PCDH15: variants seen among roughly 807,000 people sequenced by gnomAD.
PCDH15 encodes the protein protocadherin related 15, also known as protocadherin-15.
A neutral mutation model predicts 178.5 loss-of-function variants in PCDH15; 129 were observed. The observed-to-expected ratio is 0.72, with a 90% CI of 0.63 to 0.84. The LOEUF (loss-of-function observed/expected upper bound fraction) is 0.84, where lower values mean the gene tolerates loss of function less well. Among genes scored for constraint, PCDH15 ranks in the 40% least tolerant of loss-of-function variants. PCDH15 has a pLI of 0.00. For missense variants in PCDH15, 2,230 were observed against 2,099.9 expected (o/e 1.06, Z -1.21); for synonymous variants, 800 against 732.0 (o/e 1.09, Z -1.50).
At chr10:54,560,245 A>T (rs1210582499) in intron 2 of PCDH15, among the ~76,000 whole-genome samples, 1 of 152,080 alleles carries the variant, frequency 6.6e-6, no homozygotes, top group Non-Finnish European at 1.5e-5. Context: ...GGAAACACTT[A>T]AATTACCATA....
At chr10:53,958,978 CAAAAAAAAAAAA>C (rs71004497) in intron 23 of PCDH15, among the ~76,000 whole-genome samples, 1 of 45,830 alleles carries the variant, frequency 2.2e-5, no homozygotes, top group African/African-American at 9.5e-5. Flanking sequence ...GACTCCATCT[CAAAAAAAAAAAA>C]AAAAAAAAAA....
At chr10:55,538,420 CCCTCCCTTCCTTCCTT>C (rs1487946479) in intron 2 of PCDH15, among the ~76,000 whole-genome samples, 1 of 95,320 alleles carries the variant, frequency 1.0e-5, no homozygotes, top group Non-Finnish European at 2.2e-5. Context: ...CTTCCTCCCT[CCCTCCCTTCCTTCCTT>C]CCTCCCTTCC....
intron 23 of PCDH15, among the ~76,000 whole-genome samples, chr10:53,959,178 T>C (rs186126064): frequency 5.5e-4 from 82 of 148,182 alleles, no homozygotes; most frequent in African/African-American, 1.9e-3. Context: ...ATATATAGTG[T>C]GTATATATAT....
At chr10:55,210,219 C>G (rs1250727630) in intron 1 of PCDH15, among the ~76,000 whole-genome samples, 4 of 151,868 alleles carry the variant, frequency 2.6e-5, no homozygotes, top group Non-Finnish European at 4.4e-5. Context: ...CAGATGATGC[C>G]ACATTATACT....
intron 3 of PCDH15, among the ~76,000 whole-genome samples, chr10:54,876,539 A>AAG (rs1165818960): frequency 8.5e-5 from 13 of 152,264 alleles, no homozygotes; most frequent in African/African-American, 3.1e-4. Flanking sequence ...GATTTATGGG[A>AAG]AGAGGTCAAA....
At chr10:55,230,671 G>A (rs1214167623) in intron 1 of PCDH15, among the ~76,000 whole-genome samples, 1 of 152,038 alleles carries the variant, frequency 6.6e-6, no homozygotes, top group Admixed American at 6.6e-5. Flanking sequence ...TAGGAGAATG[G>A]AAAGTGTCTC....
At chr10:55,022,426 T>G (rs56100954) in intron 2 of PCDH15, among the ~76,000 whole-genome samples, 51,858 of 138,014 alleles carry the variant, frequency 0.38, 11,077 homozygotes, top group Non-Finnish European at 0.49. Flanking sequence ...CATTCCAGCC[T>G]GGGTGACAGA....
intron 8 of PCDH15, among the ~76,000 whole-genome samples, chr10:54,280,920 T>C (rs771125335): frequency 7.9e-5 from 12 of 151,950 alleles, no homozygotes; most frequent in Non-Finnish European, 1.8e-4. Flanking sequence ...AACTCTCAAA[T>C]TTATATAATT....
At chr10:55,275,981 T>C (rs537367450) in intron 1 of PCDH15, among the ~76,000 whole-genome samples, 1 of 151,282 alleles carries the variant, frequency 6.6e-6, no homozygotes, top group Non-Finnish European at 1.5e-5. Context: ...AATATATATT[T>C]TTCTAGGCAT....
Position 53,822,112 on chromosome 10 carries a change from T to C in PCDH15, c.4368-1882A>G, listed in dbSNP as rs147727092. 5.6e-6 allele frequency: 9 copies of C among 1,613,602 alleles called. No homozygotes were observed. The highest frequency in any genetic ancestry group is 1.3e-5 in the African/African-American group (1 of 74,534). On this transcript the variant is annotated intron_variant, in intron 32 of 37. Coordinates refer to ENST00000644397, the MANE Select transcript of PCDH15 (RefSeq NM_001384140.1). ...TTTGGTTCTCTCTGAGGGTCTGTTT[T>C]ACACACTGTCGTTGTTGATAGCTGT...
chr10:53,971,402 A>T (rs776094951), intron 21 of PCDH15, among the ~76,000 whole-genome samples: 5 of 152,090 alleles, frequency 3.3e-5, no homozygotes, highest in Admixed American at 6.6e-5. Flanking sequence ...CTATCTCACC[A>T]CTCTTATTCA....
At chr10:54,793,779 C>G (rs1414635560) in intron 1 of PCDH15, among the ~76,000 whole-genome samples, 1 of 148,274 alleles carries the variant, frequency 6.7e-6, no homozygotes, top group South Asian at 2.1e-4. Context: ...AAAAAATGAG[C>G]TGATGGTATA....
chr10:55,028,181 T>C (rs1470159644), intron 2 of PCDH15, among the ~76,000 whole-genome samples: 1 of 151,870 alleles, frequency 6.6e-6, no homozygotes. Flanking sequence ...TCTCATTTTA[T>C]AGAAAAGGAA....
At chr10:54,191,775 G>T (rs1308825374) in intron 11 of PCDH15, among the ~76,000 whole-genome samples, 2 of 141,464 alleles carry the variant, frequency 1.4e-5, no homozygotes, top group Non-Finnish European at 3.1e-5. Context: ...AAAAAAATTA[G>T]CTAGGCATGG....
chr10:54,166,922 CG>C (rs1179985848), intron 13 of PCDH15, among the ~76,000 whole-genome samples: 1 of 152,186 alleles, frequency 6.6e-6, no homozygotes, highest in Non-Finnish European at 1.5e-5. Context: ...GAGCACCTTG[CG>C]AACCCCACTC....
chr10:54,846,788 T>C (rs1479995731), intron 3 of PCDH15, among the ~76,000 whole-genome samples: 1 of 152,122 alleles, frequency 6.6e-6, no homozygotes, highest in African/African-American at 2.4e-5. Flanking sequence ...TTGTTTTAGG[T>C]GACAGGTCTG....
chr10:55,491,285 A>G (rs1473411309), intron 2 of PCDH15, among the ~76,000 whole-genome samples: 1 of 151,718 alleles, frequency 6.6e-6, no homozygotes, highest in Non-Finnish European at 1.5e-5. Context: ...TTCCACCTCT[A>G]GACTCAGTTG....
At chr10:54,175,502 A>G (rs776839575) in intron 13 of PCDH15, among the ~76,000 whole-genome samples, 3 of 152,204 alleles carry the variant, frequency 2.0e-5, no homozygotes, top group Admixed American at 6.5e-5. Context: ...TAATAATAGC[A>G]AGTTACCACA....
intron 1 of PCDH15, among the ~76,000 whole-genome samples, chr10:54,760,022 G>A (rs72796513): frequency 0.11 from 16,529 of 152,120 alleles, 1,166 homozygotes; most frequent in Middle Eastern, 0.18. Context: ...AGCAGATAGC[G>A]ATATAAACAG....
Sources: gnomAD v4.1 joint callset for allele counts (sites outside exome capture counted in the v4.1 genomes callset) on GRCh38, gnomAD v4.1.1 for gene constraint, MANE v1.5 for transcripts, NCBI Gene and HGNC (gene_info 2026-07-23, HGNC 2026-07-21) for gene names.